SLFN11: variants seen among roughly 807,000 people sequenced by gnomAD.
SLFN11 encodes the protein schlafen family member 11.
Under a neutral mutation model 53.4 loss-of-function variants are expected in SLFN11, and 43 were observed. That is an observed-to-expected ratio of 0.80 (90% CI 0.63 to 1.04). The LOEUF (loss-of-function observed/expected upper bound fraction) is 1.04, where lower values mean the gene tolerates loss of function less well. Ranked by LOEUF, SLFN11 falls within the 50% of genes least tolerant of loss-of-function variation. SLFN11 has a pLI of 0.00. For missense variants in SLFN11, 990 were observed against 1,079.1 expected, an observed-to-expected ratio of 0.92 and a Z score of 1.16; for synonymous variants, 389 against 394.7, an observed-to-expected ratio of 0.99 and a Z score of 0.17.
chr17:35,357,167 TG>T lies in SLFN11; in HGVS notation c.1198+3075del, dbSNP rs749645448. Among the ~76,000 whole-genome samples the T allele has an allele frequency of 7.0e-3, 1,057 of 151,586 alleles. 6 individuals are homozygous for T. Among genetic ancestry groups the T allele is most frequent in the Non-Finnish European group, 0.01 (699 of 67,848 alleles). On this transcript the variant is annotated intron_variant, in intron 5 of 6. Transcript: ENST00000685675. ...GTGTGTGTGTGTGTGTGTGTGTGTGTGTGTGTGTGTCTGTGTCCTTATCAAC... is the reference window on the plus strand; with the variant it reads ...GTGTGTGTGTGTGTGTGTGTGTGTGTTGTGTGTGTCTGTGTCCTTATCAAC...
Position 35,350,856 on chromosome 17 carries a change from TC to T in SLFN11, c.*1499del, listed in dbSNP as rs1356832493. ...AGATTACCAATAAGTGAAATATTGG[TC>T]ATATGATTTCTTAGTTTCCATTAGT... On this transcript the variant is annotated 3_prime_UTR_variant, in exon 7 of 7. Transcript: ENST00000685675. The T allele has an allele frequency of 5.3e-5, 8 of 152,172 alleles. No individual in the cohort carries two copies. Among genetic ancestry groups the T allele is most frequent in the African/African-American group, 1.9e-4 (8 of 41,452 alleles). 9.4% of individuals were successfully genotyped at this position (152,172 alleles called of 1,614,324 possible).
chr17:35,352,287 G>A lies in SLFN11; in HGVS notation c.*69C>T, dbSNP rs1906774447. On this transcript the variant is annotated 3_prime_UTR_variant, in exon 7 of 7. Coordinates refer to ENST00000685675, the MANE Select transcript of SLFN11 (RefSeq NM_001376007.1). ...AAATCTCTGACTTGTGAACTAAAAA[G>A]AAAGGTTTCTACCATCAGCAGACTG... The A allele has an allele frequency of 1.3e-6, 2 of 1,552,078 alleles. No homozygotes were observed. Among genetic ancestry groups the A allele is most frequent in the South Asian group, 2.4e-5 (2 of 82,486 alleles).
chr17:35,361,134 G>A (rs1908154524), intron 4 of SLFN11, among the ~76,000 whole-genome samples: 1 of 152,062 alleles, frequency 6.6e-6, no homozygotes, highest in Non-Finnish European at 1.5e-5. Context: ...TGTTCTCTCT[G>A]TGTTTCTCCA....
rs1906888151 is a variant in SLFN11, at chr17:35,352,786, C to A, written c.2276G>T (p.Gly759Val). Residue 759 changes from glycine to valine, a missense_variant, in exon 7 of 7, where the codon GGG (glycine) becomes GTG (valine). Gly to Val is a moderately radical substitution (Grantham distance 109, BLOSUM62 -3). Around this residue, in one of 3 missense-constraint regions of SLFN11, gnomAD observed 313 missense variants for 320.9 expected, o/e 0.98. Coordinates refer to ENST00000685675, the MANE Select transcript of SLFN11 (RefSeq NM_001376007.1). Reference sequence around the variant, plus strand: ...GGCTTCAGGAAATACCTCGAGGCACCCAGTGGGGATGTTAAATGAAGGATT... The same window carrying A: ...GGCTTCAGGAAATACCTCGAGGCACACAGTGGGGATGTTAAATGAAGGATT... ...RSNPSFNIPTGCLEVFPEAEW... is the reference protein window; with the variant it reads ...RSNPSFNIPTVCLEVFPEAEW... 1 of 1,614,136 alleles carries A rather than the reference C, an allele frequency of 6.2e-7. No homozygotes were observed. Among genetic ancestry groups the A allele is most frequent in the Non-Finnish European group, 8.5e-7 (1 of 1,180,032 alleles).
Position 35,360,265 on chromosome 17 carries a change from T to C in SLFN11, c.1176A>G (p.Glu392=), listed in dbSNP as rs1422771729. ...TACCTGAAAATAAAAGTTGCTGGAGTTCCTTTTTATGTTCCAGGCCTTTCT... is the reference window on the plus strand; with the variant it reads ...TACCTGAAAATAAAAGTTGCTGGAGCTCCTTTTTATGTTCCAGGCCTTTCT... The part of the protein sequence containing the change: ...YSKKGLEHKK[E]LQQLLFSVPP... The change falls in exon 5 of 7, where the codon GAA becomes GAG. Residue 392 remains glutamate (E), a synonymous_variant. Coordinates refer to ENST00000685675, the MANE Select transcript of SLFN11 (RefSeq NM_001376007.1). The C allele has an allele frequency of 1.2e-6, 2 of 1,609,376 alleles. No homozygotes were observed. The highest frequency in any genetic ancestry group is 2.2e-5 in the East Asian group (1 of 44,752).
In SLFN11 at chr17:35,363,277, G is replaced by A; in HGVS notation, c.531C>T (p.Leu177=). The change falls in exon 4 of 7, where the codon CTC becomes CTT. Residue 177 remains leucine (L), a synonymous_variant. Coordinates refer to ENST00000685675, the MANE Select transcript of SLFN11 (RefSeq NM_001376007.1). ...HKIHKGVYQE[L]PNSDPADPNS... is the part of the protein sequence containing the mutation. Reference sequence around the variant, plus strand: ...TTGGGTCAGCAGGATCCGAGTTAGGGAGCTCTTGGTATACACCCTTGTGAA... The same window carrying A: ...TTGGGTCAGCAGGATCCGAGTTAGGAAGCTCTTGGTATACACCCTTGTGAA... The A allele has an allele frequency of 6.2e-7, 1 of 1,614,026 alleles. No homozygotes were observed. Among genetic ancestry groups the A allele is most frequent in the East Asian group, 2.2e-5 (1 of 44,888 alleles).
chr17:35,362,819 T>A lies in SLFN11; in HGVS notation c.989A>T (p.Asn330Ile). The part of the protein sequence containing the change: ...FCCAVFSEAP[N>I]SWIVEDKYVC... Reference sequence around the variant, plus strand: ...GTACTTGTCCTCCACTATCCATGAATTGGGAGCTTCTGAGAACACTGCACA... The same window carrying A: ...GTACTTGTCCTCCACTATCCATGAAATGGGAGCTTCTGAGAACACTGCACA... The change falls in exon 4 of 7, where the codon AAT becomes ATT. Residue 330 changes from asparagine to isoleucine, a missense_variant. By Grantham distance (149) the Asn-to-Ile change is moderately radical. Around this residue, in one of 3 missense-constraint regions of SLFN11, gnomAD observed 521 missense variants for 516.2 expected, o/e 1.01. Transcript: ENST00000685675. 1 of 1,613,058 alleles carries A rather than the reference T, an allele frequency of 6.2e-7. No homozygotes were observed. Among genetic ancestry groups the A allele is most frequent in the South Asian group, 1.1e-5 (1 of 91,028 alleles).
chr17:35,354,722 C>T (rs1046215934), intron 5 of SLFN11, among the ~76,000 whole-genome samples: 4 of 151,992 alleles, frequency 2.6e-5, no homozygotes, highest in Middle Eastern at 3.2e-3. Context: ...TTATGTGACA[C>T]GAGAATATAC....
chr17:35,360,515 C>A lies in SLFN11; in HGVS notation c.1070-144G>T, dbSNP rs1001156921. On this transcript the variant is annotated intron_variant, in intron 4 of 6. Coordinates refer to ENST00000685675, the MANE Select transcript of SLFN11 (RefSeq NM_001376007.1). ...ATAACTCTCCTCTCACTCACTTACT[C>A]TAGATAAGTGCCTTTATTGCATATC... 8 of 812,484 alleles carry A rather than the reference C, an allele frequency of 9.8e-6. No homozygotes were observed. In the Admixed American group the frequency reaches 2.3e-4, roughly 24 times the overall value. 50.3% of individuals were successfully genotyped at this position (812,484 alleles called of 1,614,324 possible). A position where few individuals can be genotyped will look rare whatever the true frequency, so the allele number is the denominator to read the frequency against.
rs138598063 is a variant in SLFN11, at chr17:35,352,499, G to C, written c.2563C>G (p.Arg855Gly). ...CTCCTTTCCAGGCCTGAGAATCGCCGAACACTGTCCAACACAATGTGATCA... is the reference window on the plus strand; with the variant it reads ...CTCCTTTCCAGGCCTGAGAATCGCCCAACACTGTCCAACACAATGTGATCA... ...LGDHIVLDSVRRFSGLERSIV... is the reference protein window; with the variant it reads ...LGDHIVLDSVGRFSGLERSIV... Residue 855 changes from arginine (R) to glycine (G), a missense_variant, in exon 7 of 7, where the codon CGG (arginine) becomes GGG (glycine). Around this residue, in one of 3 missense-constraint regions of SLFN11, gnomAD observed 313 missense variants for 320.9 expected, o/e 0.98. Transcript: ENST00000685675. 1.2e-6 allele frequency: 2 copies of C among 1,614,110 alleles called. No individual in the cohort carries two copies. The highest frequency in any genetic ancestry group is 2.2e-5 in the East Asian group (1 of 44,888).
At chr17:35,365,636 A>C (rs1908869449) in intron 3 of SLFN11, among the ~76,000 whole-genome samples, 2 of 152,284 alleles carry the variant, frequency 1.3e-5, no homozygotes, top group Middle Eastern at 3.4e-3. Flanking sequence ...AGTTTGAAAC[A>C]GACATTATAA....
chr17:35,363,745 T>C lies in SLFN11; in HGVS notation c.63A>G (p.Val21=), dbSNP rs1183525713. The change falls in exon 4 of 7, where the codon GTA becomes GTG. Residue 21 remains valine (V), a synonymous_variant. Coordinates refer to ENST00000685675, the MANE Select transcript of SLFN11 (RefSeq NM_001376007.1). ...TTTCTTCTCCAAGAGTCACTTCTCC[T>C]ACATTGATGACCAGGTCTGGGTAAG... ...EPSYPDLVIN[V]GEVTLGEENR... is the part of the protein sequence containing the mutation. The C allele has an allele frequency of 1.9e-6, 3 of 1,612,764 alleles. 1 individual carries two copies. Among genetic ancestry groups the C allele is most frequent in the Non-Finnish European group, 2.5e-6 (3 of 1,179,238 alleles).
Position 35,352,657 on chromosome 17 carries a change from C to T in SLFN11, c.2405G>A (p.Arg802Lys), listed in dbSNP as rs773694816. ...AGCAACATCCTTTGGAGAATAGCCCCTATCAAAGAAGCGCCTGCACGTGTC... is the reference window on the plus strand; with the variant it reads ...AGCAACATCCTTTGGAGAATAGCCCTTATCAAAGAAGCGCCTGCACGTGTC... ...VADTCRRFFD[R>K]GYSPKDVAVL... is the part of the protein sequence containing the mutation. Residue 802 changes from arginine (R) to lysine (K), a missense_variant, in exon 7 of 7, where the codon AGG becomes AAG. Physicochemically the swap from Arg to Lys is conservative, Grantham distance 26. Transcript: ENST00000685675. The T allele has an allele frequency of 3.1e-6, 5 of 1,614,064 alleles. No homozygotes were observed. The highest frequency in any genetic ancestry group is 4.2e-6 in the Non-Finnish European group (5 of 1,180,040).
At chr17:35,362,660 A>G in intron 4 of SLFN11, 79 bp downstream of exon 4, 1 of 1,149,234 alleles carries the variant, frequency 8.7e-7, no homozygotes, top group Non-Finnish European at 1.2e-6. Context: ...TCAAAGTCAT[A>G]GGCAGCAAAG....
intron 4 of SLFN11, 62 bp from the exon 5 acceptor site, chr17:35,360,433 A>T: frequency 1.2e-5 from 17 of 1,412,358 alleles, no homozygotes; most frequent in African/African-American, 1.5e-5. Context: ...AAGAGGCTCT[A>T]TCAGTAGGTG....
chr17:35,360,053 G>T, intron 5 of SLFN11, 190 bp downstream of exon 5: 2 of 548,510 alleles, frequency 3.6e-6, no homozygotes, highest in Non-Finnish European at 6.3e-6. Flanking sequence ...GTGTGGTCCT[G>T]CCTTAGCCAG....
At chr17:35,368,155 C>A (rs981734524) in intron 1 of SLFN11, among the ~76,000 whole-genome samples, 18 of 152,088 alleles carry the variant, frequency 1.2e-4, no homozygotes, top group African/African-American at 4.3e-4. Flanking sequence ...CTTCCCCTTT[C>A]CTTCCATCCT....
At chr17:35,364,182 G>A (rs1908646502) in intron 3 of SLFN11, among the ~76,000 whole-genome samples, 1 of 152,178 alleles carries the variant, frequency 6.6e-6, no homozygotes, top group African/African-American at 2.4e-5. Context: ...TGGAGCGCAT[G>A]AAGGGCATGT....
intron 3 of SLFN11, among the ~76,000 whole-genome samples, chr17:35,366,496 T>G (rs1908975558): frequency 1.3e-5 from 2 of 152,072 alleles, no homozygotes; most frequent in South Asian, 4.1e-4. Context: ...ACAAATACCT[T>G]GCATCATTAT....
Sources: allele counts gnomAD v4.1 joint callset (sites outside exome capture counted in the v4.1 genomes callset), GRCh38; gene constraint gnomAD v4.1.1; regional missense constraint gnomAD v4.1.1; transcripts MANE v1.5; gene names NCBI Gene and HGNC (gene_info 2026-07-23, HGNC 2026-07-21).